SUGCT: variants seen among roughly 807,000 people sequenced by gnomAD.
SUGCT encodes the protein succinyl-CoA:glutarate CoA-transferase.
In SUGCT, 41 loss-of-function variants were observed where a neutral mutation model predicts 55.0. The observed-to-expected ratio is 0.74, with a 90% confidence interval of 0.58 to 0.97. The LOEUF (loss-of-function observed/expected upper bound fraction) is 0.97. Among genes scored for constraint, SUGCT ranks in the 50% least tolerant of loss-of-function variants. SUGCT has a pLI of 0.00. For synonymous variants in SUGCT, 187 were observed against 200.4 expected (o/e 0.93, Z 0.56); for missense variants, 568 against 547.8 (o/e 1.04, Z -0.37).
chr7:40,136,981 C>G (rs1055914388), intron 1 of SUGCT, among the ~76,000 whole-genome samples: 1 of 151,626 alleles, frequency 6.6e-6, no homozygotes, highest in Non-Finnish European at 1.5e-5. Context: ...GGTAACAGAG[C>G]GAGACCCTAT....
Position 40,347,639 on chromosome 7 carries a change from C to T in SUGCT, c.816+30784C>T, listed in dbSNP as rs139110492. ...ATGAGAAAGCACGTTCAGAAGAGGC[C>T]AGTGTTATAGTGACTTATTTCCAAC... On this transcript the variant is annotated intron_variant, in intron 9 of 13. Coordinates refer to ENST00000335693, the MANE Select transcript of SUGCT (RefSeq NM_001193313.2). 9.2e-5 allele frequency among the ~76,000 whole-genome samples: 14 copies of T among 152,210 alleles called. No individual in the cohort carries two copies. In the East Asian group the frequency reaches 2.5e-3, roughly 27 times the overall value.
chr7:40,335,816 G>A (rs1166352651), intron 9 of SUGCT, among the ~76,000 whole-genome samples: 2 of 152,162 alleles, frequency 1.3e-5, no homozygotes, highest in Non-Finnish European at 2.9e-5. Context: ...GGGCATCCCT[G>A]TCTTGTGCGA....
At chr7:40,356,694 T>G (rs1315896202) in intron 9 of SUGCT, among the ~76,000 whole-genome samples, 2 of 152,248 alleles carry the variant, frequency 1.3e-5, no homozygotes, top group African/African-American at 4.8e-5. Context: ...TAACACATTT[T>G]AGCAGATTCC....
At chr7:40,703,232 T>C (rs553223148) in intron 12 of SUGCT, among the ~76,000 whole-genome samples, 2 of 152,150 alleles carry the variant, frequency 1.3e-5, no homozygotes, top group South Asian at 4.2e-4. Context: ...GCCCGGCTAA[T>C]TTTGTATTTT....
In SUGCT at chr7:40,594,363, T is replaced by C. The variant is rs190575325; in HGVS notation, c.1089+97977T>C. Among the ~76,000 whole-genome samples, 380 of 149,180 alleles carry C rather than the reference T, an allele frequency of 2.5e-3. 1 individual carries two copies. Among genetic ancestry groups the C allele is most frequent in the African/African-American group, 8.6e-3 (347 of 40,548 alleles). On this transcript the variant is annotated intron_variant, in intron 12 of 13. Coordinates refer to ENST00000335693, the MANE Select transcript of SUGCT (RefSeq NM_001193313.2). ...AAAAAAAAAAAAATATGATGTAAAA[T>C]CCCAATATATTATCTGTTCTACCCA...
chr7:40,663,515 G>T (rs1562933239), intron 12 of SUGCT, among the ~76,000 whole-genome samples: 1 of 151,334 alleles, frequency 6.6e-6, no homozygotes, highest in Non-Finnish European at 1.5e-5. Flanking sequence ...GTGTGTGTGT[G>T]TGTGTGTATC....
At chr7:40,394,205 C>G (rs1248421456) in intron 9 of SUGCT, among the ~76,000 whole-genome samples, 1 of 152,104 alleles carries the variant, frequency 6.6e-6, no homozygotes, top group Non-Finnish European at 1.5e-5. Flanking sequence ...CGAAGTCACT[C>G]TCAGAAATTC....
the SUGCT span, among the ~76,000 whole-genome samples, chr7:40,957,898 A>G: frequency 1.4e-4 from 21 of 152,024 alleles, no homozygotes; most frequent in Non-Finnish European, 2.8e-4. Flanking sequence ...TCTGTAAAGG[A>G]TTTTATTTCT....
At chr7:40,135,249 C>T (rs936533969) in intron 1 of SUGCT, 129 bp downstream of exon 1, 1 of 1,168,038 alleles carries the variant, frequency 8.6e-7, no homozygotes, top group South Asian at 1.9e-5. Flanking sequence ...TTGCTCGCCT[C>T]CCTGCAACCC....
chr7:40,230,418 C>T (rs966966581), intron 6 of SUGCT, among the ~76,000 whole-genome samples: 11 of 152,244 alleles, frequency 7.2e-5, no homozygotes, highest in East Asian at 1.9e-4. Context: ...CAGGCAATTT[C>T]GTAAGAATTT....
At chr7:40,791,033 G>A (rs17714132) in intron 13 of SUGCT, among the ~76,000 whole-genome samples, 2,264 of 152,296 alleles carry the variant, frequency 0.015, 145 homozygotes, top group East Asian at 0.096. Flanking sequence ...GATGTCAAAA[G>A]AGCAGAGAGA....
chr7:40,992,085 C>G, the SUGCT span, among the ~76,000 whole-genome samples: 2 of 152,136 alleles, frequency 1.3e-5, no homozygotes, highest in Non-Finnish European at 2.9e-5. Flanking sequence ...ATAGGCAGAG[C>G]AGCCCCGAGG....
intron 9 of SUGCT, among the ~76,000 whole-genome samples, chr7:40,391,382 C>T (rs1183436321): frequency 1.6e-4 from 25 of 152,072 alleles, no homozygotes; most frequent in African/African-American, 3.9e-4. Context: ...ACAATCTACC[C>T]GTCTGACAAA....
Position 40,794,708 on chromosome 7 carries a change from A to G in SUGCT, c.1153+45211A>G, listed in dbSNP as rs114501730. 2.2e-3 allele frequency among the ~76,000 whole-genome samples: 335 copies of G among 152,172 alleles called. 1 individual carries two copies. The highest frequency in any genetic ancestry group is 7.9e-3 in the African/African-American group (328 of 41,538). On this transcript the variant is annotated intron_variant, in intron 13 of 13. Transcript: ENST00000335693. ...CCCACTCTCCTCCTGCCTTCCGGAA[A>G]GATTTTTTATTTATTTTTTATCAAT...
rs113957169 is a variant in SUGCT, at chr7:40,150,333, G to T, written c.100+15213G>T. On this transcript the variant is annotated intron_variant, in intron 1 of 13. Transcript: ENST00000335693. ...TCATTCTGAGCAATCAGCACTCCTG[G>T]CTCACTGGCTCCCCCAGTCCTCACC... 3.7e-3 allele frequency among the ~76,000 whole-genome samples: 568 copies of T among 152,210 alleles called. 6 individuals are homozygous for T. Among genetic ancestry groups the T allele is most frequent in the African/African-American group, 0.012 (514 of 41,510 alleles).
intron 9 of SUGCT, among the ~76,000 whole-genome samples, chr7:40,411,486 G>A (rs1452624063): frequency 1.3e-5 from 2 of 152,160 alleles, no homozygotes; most frequent in Non-Finnish European, 2.9e-5. Flanking sequence ...TGGAACTGGA[G>A]GTCATTATGT....
chr7:40,894,056 G>GAAA, the SUGCT span, among the ~76,000 whole-genome samples: 41 of 134,834 alleles, frequency 3.0e-4, 2 homozygotes, highest in South Asian at 1.1e-3. Context: ...TCTGTCTTAA[G>GAAA]AAGAAAAAAA....
intron 11 of SUGCT, among the ~76,000 whole-genome samples, chr7:40,465,615 GA>G (rs886282465): frequency 3.4e-5 from 5 of 146,796 alleles, no homozygotes; most frequent in Admixed American, 6.8e-5. Context: ...GTCTCAAAAA[GA>G]AAAAAAAAAG....
intron 8 of SUGCT, among the ~76,000 whole-genome samples, chr7:40,305,659 T>A (rs896962978): frequency 2.0e-5 from 3 of 152,078 alleles, no homozygotes; most frequent in Admixed American, 6.6e-5. Context: ...ACTCCAGTTA[T>A]TTTTTTATTT....
Sources: gnomAD v4.1 joint callset for allele counts (sites outside exome capture counted in the v4.1 genomes callset) on GRCh38, gnomAD v4.1.1 for gene constraint, MANE v1.5 for transcripts, NCBI Gene and HGNC (gene_info 2026-07-23, HGNC 2026-07-21) for gene names.